MAST2: variants seen among roughly 807,000 people sequenced by gnomAD.
The protein encoded by MAST2 is microtubule-associated serine/threonine-protein kinase 2.
MAST2 carries 70 observed loss-of-function variants against 147.4 expected under a neutral mutation model. That is an observed-to-expected ratio of 0.47 (90% CI 0.39 to 0.58). MAST2 has a LOEUF of 0.58. MAST2 is among the 20% of genes least tolerant of loss of function. The probability of loss-of-function intolerance (pLI) is 0.00; values close to 1 mark genes in which losing one functional copy is unlikely to be tolerated. For synonymous variants in MAST2, 869 were observed against 896.8 expected, an observed-to-expected ratio of 0.97 and a Z score of 0.55; for missense variants, 2,080 against 2,302.3, an observed-to-expected ratio of 0.90 and a Z score of 1.98.
At chr1:45,928,561 C>T (rs998398931) in intron 4 of MAST2, among the ~76,000 whole-genome samples, 37 of 131,198 alleles carry the variant, frequency 2.8e-4, no homozygotes, top group African/African-American at 9.7e-4. Flanking sequence ...TGTCTGATCA[C>T]TCTTTCTTTT....
intron 6 of MAST2, among the ~76,000 whole-genome samples, chr1:45,999,515 G>C (rs1449331658): frequency 1.3e-5 from 2 of 152,110 alleles, no homozygotes; most frequent in Non-Finnish European, 2.9e-5. Context: ...ATAAATATTT[G>C]CTGAGCACCA....
intron 3 of MAST2, chr1:45,846,963 T>G: frequency 4.2e-6 from 1 of 239,540 alleles, no homozygotes; most frequent in South Asian, 5.4e-5. Flanking sequence ...AGCTCTCAAA[T>G]TATTTATTTT....
Position 46,010,827 on chromosome 1 carries a change from A to T in MAST2, c.1076A>T (p.His359Leu). 3.1e-6 allele frequency: 5 copies of T among 1,614,170 alleles called. No individual in the cohort carries two copies. The highest frequency in any genetic ancestry group is 4.2e-6 in the Non-Finnish European group (5 of 1,180,036). Residue 359 changes from histidine to leucine, a missense_variant, in exon 10 of 29, where the codon CAT becomes CTT. This residue lies in a region of MAST2 where 569 missense variants were observed against 642.5 expected (regional missense o/e 0.89). Coordinates refer to ENST00000361297, the MANE Select transcript of MAST2 (RefSeq NM_015112.3). ...PLADGALSFI[H>L]HQVIEMARDC... ...GCAGATGGAGCCCTGAGCTTTATTCATCATCAGGTGATTGAGATGGCCCGA... is the reference window on the plus strand; with the variant it reads ...GCAGATGGAGCCCTGAGCTTTATTCTTCATCAGGTGATTGAGATGGCCCGA...
intron 1 of MAST2, among the ~76,000 whole-genome samples, chr1:45,806,526 A>G (rs1644146966): frequency 6.6e-6 from 1 of 152,136 alleles, no homozygotes; most frequent in African/African-American, 2.4e-5. Context: ...CAGCCTCCCA[A>G]GTAGCTGGGA....
chr1:45,857,148 C>G (rs1645816608), intron 3 of MAST2, among the ~76,000 whole-genome samples: 1 of 152,020 alleles, frequency 6.6e-6, no homozygotes, highest in Non-Finnish European at 1.5e-5. Flanking sequence ...TGAATGTAAG[C>G]TTTAAGAGGT....
At chr1:45,829,785 G>A (rs939344677) in intron 3 of MAST2, among the ~76,000 whole-genome samples, 2 of 151,680 alleles carry the variant, frequency 1.3e-5, no homozygotes, top group African/African-American at 4.8e-5. Context: ...CTCCTTGGCT[G>A]TAGTATTCCT....
At chr1:46,025,914 A>G (rs953690278) in intron 16 of MAST2, 99 bp downstream of exon 16, 4 of 1,469,100 alleles carry the variant, frequency 2.7e-6, no homozygotes, top group Non-Finnish European at 9.4e-7. Context: ...CCAGATGGCT[A>G]CCGGGAAAAC....
chr1:46,033,984 GCTGGTACGTGGTGGGTGCCTTGGCC>G (rs772886804), intron 27 of MAST2, 46 bp downstream of exon 27: 2 of 1,610,368 alleles, frequency 1.2e-6, no homozygotes, highest in Non-Finnish European at 1.7e-6. Context: ...CCACATGAGT[GCTGGTACGTGGTGGGTGCCTTGGCC>G]CTGGGGGTCC....
rs186676908 is a variant in MAST2, at chr1:45,968,260, C to T, written c.592+8783C>T. Reference sequence around the variant, plus strand: ...TAAGAAAAACAAGTTTTTAGTTTACCTTCATCACTTCTCCAGTGTGCTTGC... The same window carrying T: ...TAAGAAAAACAAGTTTTTAGTTTACTTTCATCACTTCTCCAGTGTGCTTGC... On this transcript the variant is annotated intron_variant, in intron 5 of 28. Coordinates refer to ENST00000361297, the MANE Select transcript of MAST2 (RefSeq NM_015112.3). Among the ~76,000 whole-genome samples, 343 of 152,244 alleles carry T rather than the reference C, an allele frequency of 2.3e-3. 1 individual carries two copies. Among genetic ancestry groups the T allele is most frequent in the Non-Finnish European group, 4.1e-3 (281 of 68,002 alleles).
chr1:45,845,185 G>GTTGAT (rs1431499809), intron 3 of MAST2, among the ~76,000 whole-genome samples: 2 of 152,096 alleles, frequency 1.3e-5, no homozygotes, highest in Non-Finnish European at 2.9e-5. Flanking sequence ...TAGAATACAT[G>GTTGAT]GGAGAACGTT....
intron 5 of MAST2, among the ~76,000 whole-genome samples, chr1:45,961,731 A>T (rs1660446883): frequency 6.6e-6 from 1 of 152,144 alleles, no homozygotes; most frequent in Non-Finnish European, 1.5e-5. Context: ...TTCCACGCAG[A>T]TCCCACATGG....
intron 3 of MAST2, among the ~76,000 whole-genome samples, chr1:45,840,170 T>C (rs1487175100): frequency 2.0e-5 from 3 of 152,182 alleles, no homozygotes; most frequent in Non-Finnish European, 4.4e-5. Flanking sequence ...TGAAGACAAA[T>C]TGAAGTGTAT....
chr1:45,934,708 C>T (rs1390893280), intron 4 of MAST2, among the ~76,000 whole-genome samples: 1 of 152,204 alleles, frequency 6.6e-6, no homozygotes, highest in Non-Finnish European at 1.5e-5. Flanking sequence ...CAGGAGTGAG[C>T]AACTGTGCCC....
At position 46,035,796 on chromosome 1, in the gene MAST2, T is replaced by G; in HGVS notation, c.5127T>G (p.Ser1709Arg). Residue 1709 changes from serine to arginine, a missense_variant, in exon 29 of 29, where the codon AGT becomes AGG. Ser to Arg is a moderately radical substitution (Grantham distance 110). Transcript: ENST00000361297. The surrounding 1 kb of genome is among the most constrained non-coding windows in gnomAD (Gnocchi z 5.5). ...PREQGKTQPP[S>R]APRLAHPSYE... is the part of the protein sequence containing the mutation. ...AGCAGGGGAAGACACAGCCACCTAG[T>G]GCCCCCAGACTGGCCCATCCATCTT... 1.9e-6 allele frequency: 3 copies of G among 1,614,126 alleles called. No individual in the cohort carries two copies. Among genetic ancestry groups the G allele is most frequent in the Non-Finnish European group, 2.5e-6 (3 of 1,180,012 alleles).
Position 46,035,719 on chromosome 1 carries a change from C to T in MAST2, c.5050C>T (p.Gln1684Ter), listed in dbSNP as rs1313501947. The T allele has an allele frequency of 6.2e-6, 10 of 1,614,048 alleles. No individual in the cohort carries two copies. The highest frequency in any genetic ancestry group is 8.5e-6 in the Non-Finnish European group (10 of 1,180,034). Reference protein sequence around the residue: ...ATMAGGLANLQDLENTTPAQP... With the variant: ...ATMAGGLANL ...CATGGCAGGTGGGCTAGCCAACCTC[C>T]AGGATTTGGAAAACACAACTCCAGC... Residue 1684 changes from glutamine (Q) to a stop codon, truncating the protein, a stop_gained, in exon 29 of 29, where the codon CAG becomes TAG. Coordinates refer to ENST00000361297, the MANE Select transcript of MAST2 (RefSeq NM_015112.3). LOFTEE classifies it low-confidence loss of function (END_TRUNC). The surrounding 1 kb of genome is among the most constrained non-coding windows in gnomAD (Gnocchi z 5.5).
chr1:45,996,387 T>C (rs4660333), intron 5 of MAST2, among the ~76,000 whole-genome samples: 121,140 of 151,992 alleles, frequency 0.8, 48,749 homozygotes, highest in East Asian at 0.98. Flanking sequence ...AAAAATAAGC[T>C]TTGATACTTC....
intron 3 of MAST2, among the ~76,000 whole-genome samples, chr1:45,842,086 G>T (rs1645294595): frequency 6.6e-6 from 1 of 152,036 alleles, no homozygotes; most frequent in Non-Finnish European, 1.5e-5. Flanking sequence ...TTGCCACTAG[G>T]TGATCGTTGT....
At chr1:45,847,300 G>C in intron 3 of MAST2, 1 of 502,730 alleles carries the variant, frequency 2.0e-6, no homozygotes, top group Non-Finnish European at 4.0e-6. Context: ...TGCCTGTCCT[G>C]CTTGTCCCTG....
intron 4 of MAST2, among the ~76,000 whole-genome samples, chr1:45,933,063 TAAAAAAAAAAA>T (rs61544126): frequency 4.5e-5 from 4 of 88,256 alleles, no homozygotes; most frequent in African/African-American, 1.8e-4. Context: ...CCCATTTCTT[TAAAAAAAAAAA>T]AAAAAAAAAA....
Sources: allele counts gnomAD v4.1 joint callset (sites outside exome capture counted in the v4.1 genomes callset), GRCh38; gene constraint gnomAD v4.1.1; regional missense constraint gnomAD v4.1.1; non-coding constraint Gnocchi (gnomAD v3.1); transcripts MANE v1.5; gene names NCBI Gene and HGNC (gene_info 2026-07-23, HGNC 2026-07-21).